CSMD1: variants seen among roughly 807,000 people sequenced by gnomAD.
CSMD1 encodes CUB and sushi domain-containing protein 1.
CSMD1 carries 213 observed loss-of-function variants against 417.5 expected under a neutral mutation model. That is an observed-to-expected ratio of 0.51 (90% confidence interval 0.46 to 0.57). The LOEUF (loss-of-function observed/expected upper bound fraction) is 0.57. CSMD1 is among the 20% of genes least tolerant of loss of function. The probability of loss-of-function intolerance (pLI) is 0.00; values close to 1 mark genes in which losing one functional copy is unlikely to be tolerated. For missense variants in CSMD1, 6,923 were observed against 4,529.7 expected (o/e 1.53, Z -15.17); for synonymous variants, 2,862 against 1,736.8 (o/e 1.65, Z -16.11).
At chr8:3,985,378 A>G (rs1814241751) in intron 5 of CSMD1, among the ~76,000 whole-genome samples, 1 of 152,164 alleles carries the variant, frequency 6.6e-6, no homozygotes, top group Non-Finnish European at 1.5e-5. Context: ...TTTCTTCCAT[A>G]GAAAGTAAAT....
At chr8:3,084,731 C>T (rs1474707570) in intron 49 of CSMD1, among the ~76,000 whole-genome samples, 2 of 151,866 alleles carry the variant, frequency 1.3e-5, no homozygotes, top group South Asian at 4.2e-4. Flanking sequence ...TGTTGTACAA[C>T]CTTATGCTAT....
chr8:3,749,861 G>A (rs879138338), intron 6 of CSMD1, among the ~76,000 whole-genome samples: 14 of 152,040 alleles, frequency 9.2e-5, no homozygotes, highest in African/African-American at 2.9e-4. Context: ...CGCGGTGGTT[G>A]ACAATGGTGC....
Position 3,289,200 on chromosome 8 carries a change from C to T in CSMD1, c.3951-4854G>A, listed in dbSNP as rs568726434. Reference sequence around the variant, plus strand: ...CATAGTATTCCATGGTGTATATGTGCCACATTTTCTTAATCCAGTCTATCG... The same window carrying T: ...CATAGTATTCCATGGTGTATATGTGTCACATTTTCTTAATCCAGTCTATCG... On this transcript the variant is annotated intron_variant, in intron 25 of 69. Transcript: ENST00000635120. 2.4e-4 allele frequency among the ~76,000 whole-genome samples: 36 copies of T among 147,446 alleles called. 4 individuals carry two copies. The highest frequency in any genetic ancestry group is 8.9e-4 in the African/African-American group (33 of 37,182).
chr8:3,308,421 AGT>A lies in CSMD1; in HGVS notation c.3712_3713del (p.Thr1238CysfsTer61). 1 of 1,613,860 alleles carries A rather than the reference AGT, an allele frequency of 6.2e-7. No individual in the cohort carries two copies. Among genetic ancestry groups the A allele is most frequent in the Non-Finnish European group, 8.5e-7 (1 of 1,179,820 alleles). The stretch of plus-strand genomic sequence containing the variant: ...CCGGGTTGCAACTGTACAGAACTAC[AGT>A]GTCGGTAAAGTGGCCTTCATCACGG... ...RIRDEGHFTD[T>X]VVLYSCNPGY... On this transcript the variant is annotated frameshift_variant, in exon 24 of 70. Coordinates refer to ENST00000635120, the MANE Select transcript of CSMD1 (RefSeq NM_033225.6). LOFTEE classifies it high-confidence loss of function.
chr8:4,144,848 C>A lies in CSMD1; in HGVS notation c.416-112749G>T, dbSNP rs966249776. On this transcript the variant is annotated intron_variant, in intron 3 of 69. Coordinates refer to ENST00000635120, the MANE Select transcript of CSMD1 (RefSeq NM_033225.6). ...CGCAATCATTCACAATGCAGGGAACCAGGGGAATTGTGTCCCTGGGAGAAG... is the reference window on the plus strand; with the variant it reads ...CGCAATCATTCACAATGCAGGGAACAAGGGGAATTGTGTCCCTGGGAGAAG... Among the ~76,000 whole-genome samples the A allele has an allele frequency of 2.0e-5, 3 of 150,800 alleles. No homozygotes were observed. In the East Asian group the frequency reaches 5.8e-4, roughly 29 times the overall value.
chr8:2,964,255 C>G (rs1029525753), intron 59 of CSMD1, among the ~76,000 whole-genome samples: 1 of 152,232 alleles, frequency 6.6e-6, no homozygotes, highest in Non-Finnish European at 1.5e-5. Flanking sequence ...CATGCCAACA[C>G]ACACAAATCA....
intron 2 of CSMD1, among the ~76,000 whole-genome samples, chr8:4,436,981 C>T (rs1489559675): frequency 6.6e-6 from 1 of 152,144 alleles, no homozygotes; most frequent in African/African-American, 2.4e-5. Context: ...ATTTGAATTT[C>T]TTGCTCAGCT....
At chr8:4,916,104 T>C (rs987683803) in intron 1 of CSMD1, among the ~76,000 whole-genome samples, 2 of 152,222 alleles carry the variant, frequency 1.3e-5, no homozygotes, top group African/African-American at 4.8e-5. Flanking sequence ...AGACAGGTGG[T>C]GCTTCAGCAG....
At chr8:4,989,405 G>A (rs770558675) in intron 1 of CSMD1, among the ~76,000 whole-genome samples, 33 of 152,296 alleles carry the variant, frequency 2.2e-4, no homozygotes, top group Admixed American at 9.8e-4. Context: ...GAGACAACAG[G>A]CTGGTAATAT....
In CSMD1 at chr8:4,940,365, T is replaced by G. The variant is rs138788802; in HGVS notation, c.85+53967A>C. 2.5e-3 allele frequency among the ~76,000 whole-genome samples: 386 copies of G among 152,304 alleles called. 1 individual carries two copies. Among genetic ancestry groups the G allele is most frequent in the African/African-American group, 8.8e-3 (365 of 41,558 alleles). On this transcript the variant is annotated intron_variant, in intron 1 of 69. Transcript: ENST00000635120. ...TTTCACATTTTTAAAATATGCAAAT[T>G]GAGTGGAAATATACAGTTATATTAC...
At chr8:4,458,871 T>C (rs938307631) in intron 2 of CSMD1, among the ~76,000 whole-genome samples, 5 of 152,288 alleles carry the variant, frequency 3.3e-5, no homozygotes, top group African/African-American at 9.6e-5. Flanking sequence ...GAATACTCAT[T>C]CCACAGTGAA....
chr8:3,269,099 A>T (rs1801649008), intron 26 of CSMD1, among the ~76,000 whole-genome samples: 1 of 152,232 alleles, frequency 6.6e-6, no homozygotes, highest in African/African-American at 2.4e-5. Flanking sequence ...CCCCCAGTAT[A>T]CAAGACTTAG....
intron 3 of CSMD1, among the ~76,000 whole-genome samples, chr8:4,376,522 A>G (rs1448901890): frequency 6.6e-6 from 1 of 152,124 alleles, no homozygotes; most frequent in Non-Finnish European, 1.5e-5. Flanking sequence ...CCCACAGTAT[A>G]TTTAATCAAT....
At chr8:3,830,003 G>C (rs1183686173) in intron 5 of CSMD1, among the ~76,000 whole-genome samples, 17 of 152,050 alleles carry the variant, frequency 1.1e-4, no homozygotes, top group South Asian at 2.1e-4. Flanking sequence ...GTTTTCCTTT[G>C]TTAACAAGGT....
intron 5 of CSMD1, among the ~76,000 whole-genome samples, chr8:3,886,466 T>A (rs1806570495): frequency 6.6e-6 from 1 of 152,210 alleles, no homozygotes. Flanking sequence ...TAATAAATAT[T>A]TTGGTTTTGT....
intron 10 of CSMD1, among the ~76,000 whole-genome samples, chr8:3,525,211 G>C (rs1398781271): frequency 1.3e-5 from 2 of 152,130 alleles, no homozygotes; most frequent in African/African-American, 4.8e-5. Context: ...AATCATTCAG[G>C]ATTTGACCTT....
At position 4,303,891 on chromosome 8, in the gene CSMD1, G is replaced by A. The variant is rs112898105; in HGVS notation, c.415+116062C>T. 1.3e-3 allele frequency among the ~76,000 whole-genome samples: 191 copies of A among 152,176 alleles called. 2 individuals are homozygous for A. Among genetic ancestry groups the A allele is most frequent in the African/African-American group, 4.5e-3 (188 of 41,534 alleles). On this transcript the variant is annotated intron_variant, in intron 3 of 69. Coordinates refer to ENST00000635120, the MANE Select transcript of CSMD1 (RefSeq NM_033225.6). ...AGGCTGGTCTCGAACTCCTGACCTT[G>A]TGATCTGCCTGCCTCAGCCTCTCAG...
chr8:3,689,427 G>T (rs967063392), intron 7 of CSMD1, among the ~76,000 whole-genome samples: 1 of 152,220 alleles, frequency 6.6e-6, no homozygotes, highest in African/African-American at 2.4e-5. Context: ...AAAGGAAATG[G>T]CGGGATAGTT....
At chr8:3,578,387 G>A (rs1225313233) in intron 9 of CSMD1, among the ~76,000 whole-genome samples, 1 of 149,500 alleles carries the variant, frequency 6.7e-6, no homozygotes. Context: ...CCTCTAGTTA[G>A]ACGGGAAGGG....
Sources: gnomAD v4.1 joint callset for allele counts (sites outside exome capture counted in the v4.1 genomes callset) on GRCh38, gnomAD v4.1.1 for gene constraint, MANE v1.5 for transcripts, NCBI Gene and HGNC (gene_info 2026-07-23, HGNC 2026-07-21) for gene names.